Variants in PTP4A1 observed in about 807,000 individuals in gnomAD.
PTP4A1 encodes protein tyrosine phosphatase type IVA 1.
PTP4A1 carries 9 observed loss-of-function variants against 20.5 expected under a neutral mutation model. The observed-to-expected ratio is 0.44, with a 90% CI of 0.26 to 0.77. PTP4A1 has a LOEUF of 0.77. Among genes scored for constraint, PTP4A1 ranks in the 30% least tolerant of loss-of-function variants. PTP4A1 has a pLI of 0.19. For synonymous variants in PTP4A1, 78 were observed against 67.4 expected (o/e 1.16, Z -0.77); for missense variants, 137 against 218.8 (o/e 0.63, Z 2.36).
At chr6:63,559,856 G>A (rs1776859095) in intron 3 of PTP4A1, among the ~76,000 whole-genome samples, 2 of 152,044 alleles carry the variant, frequency 1.3e-5, no homozygotes, top group Non-Finnish European at 2.9e-5. Context: ...CGAACTCCTG[G>A]GCTCAAACAA....
chr6:63,559,498 G>T (rs191332825), intron 3 of PTP4A1, among the ~76,000 whole-genome samples: 278 of 152,280 alleles, frequency 1.8e-3, no homozygotes, highest in Non-Finnish European at 2.7e-3. Flanking sequence ...TGTAATCCCA[G>T]CACTTTGGGA....
upstream of PTP4A1, among the ~76,000 whole-genome samples, chr6:63,518,219 G>T (rs549205055): frequency 6.7e-6 from 1 of 148,402 alleles, no homozygotes; most frequent in African/African-American, 2.5e-5. Context: ...GAAAATATTT[G>T]TGCCACCTTT....
At chr6:63,574,299 A>G (rs1329439275) in intron 1 of PTP4A1, among the ~76,000 whole-genome samples, 4 of 152,216 alleles carry the variant, frequency 2.6e-5, no homozygotes, top group Non-Finnish European at 5.9e-5. Context: ...GCTTCTGCAC[A>G]GAGATTACTC....
chr6:63,539,103 A>C (rs1775842211), intron 2 of PTP4A1, among the ~76,000 whole-genome samples: 2 of 152,008 alleles, frequency 1.3e-5, no homozygotes, highest in African/African-American at 4.8e-5. Context: ...ATGTTGGCCC[A>C]TGCTGATCTT....
rs879457337 is a variant in PTP4A1, at chr6:63,580,828, C to G, written c.*654C>G. On this transcript the variant is annotated 3_prime_UTR_variant, in exon 6 of 6. Coordinates refer to ENST00000626021, the MANE Select transcript of PTP4A1 (RefSeq NM_003463.5). The stretch of plus-strand genomic sequence containing the variant: ...AAAAAACCTCCATTTTGAAAATCTA[C>G]GTTGTACAGAAGCACATGTCTTTAA... 1 of 151,802 alleles carries G rather than the reference C, an allele frequency of 6.6e-6. No homozygotes were observed. The highest frequency in any genetic ancestry group is 1.5e-5 in the Non-Finnish European group (1 of 67,944). The allele number at this position is 151,802 out of a possible 1,614,324, so 9.4% of individuals were successfully genotyped here.
rs769350255 is a variant in PTP4A1 at position 63,543,847 on chromosome 6, CCAAA to C, written c.-639-6448_-639-6445del. The stretch of plus-strand genomic sequence containing the variant: ...TGTAATAAGAGTTTCTTTTAGATCC[CCAAA>C]CAAAGTAGATTTCATTTTACTCTTC... On this transcript the variant is annotated intron_variant, in intron 2 of 3. Coordinates refer to the PTP4A1 transcript ENST00000639568. Among the ~76,000 whole-genome samples, 101 of 152,240 alleles carry C rather than the reference CCAAA, an allele frequency of 6.6e-4. 2 individuals carry two copies. The highest frequency in any genetic ancestry group is 3.4e-3 in the Admixed American group (52 of 15,280).
chr6:63,572,748 G>C, intron 1 of PTP4A1, 29 bp downstream of exon 1: 1 of 398,306 alleles, frequency 2.5e-6, no homozygotes, highest in Non-Finnish European at 4.4e-6. Flanking sequence ...GTCGCCTCTC[G>C]GGCTGGGAAT....
chr6:63,580,243 A>C lies in PTP4A1; in HGVS notation c.*69A>C. On this transcript the variant is annotated 3_prime_UTR_variant, in exon 6 of 6. Coordinates refer to ENST00000626021, the MANE Select transcript of PTP4A1 (RefSeq NM_003463.5). ...GCCTAATTTGTTATACATATTAGCC[A>C]ACATGTTGGCTTAGTAAGTCTAATG... 8.0e-7 allele frequency: 1 copy of C among 1,253,198 alleles called. No individual in the cohort carries two copies. The highest frequency in any genetic ancestry group is 1.2e-6 in the Non-Finnish European group (1 of 859,748). The allele number at this position is 1,253,198 out of a possible 1,614,324, so 77.6% of individuals were successfully genotyped here.
At chr6:63,546,715 A>C (rs1268270097) in intron 2 of PTP4A1, among the ~76,000 whole-genome samples, 1 of 152,194 alleles carries the variant, frequency 6.6e-6, no homozygotes, top group Non-Finnish European at 1.5e-5. Flanking sequence ...TCAAAAAAAA[A>C]AAATAGAGTA....
chr6:63,550,093 A>G (rs1231838984), intron 2 of PTP4A1, among the ~76,000 whole-genome samples: 1 of 152,196 alleles, frequency 6.6e-6, no homozygotes, highest in Non-Finnish European at 1.5e-5. Context: ...TTATGTGTCA[A>G]CTTGAAACGT....
intron 3 of PTP4A1, among the ~76,000 whole-genome samples, chr6:63,564,949 T>C (rs1304149545): frequency 6.6e-6 from 1 of 152,196 alleles, no homozygotes; most frequent in East Asian, 1.9e-4. Context: ...CCCAAGGAAA[T>C]GGTGCCTTTC....
intron 1 of PTP4A1, among the ~76,000 whole-genome samples, chr6:63,525,982 A>T (rs1354831544): frequency 6.6e-6 from 1 of 152,202 alleles, no homozygotes; most frequent in Non-Finnish European, 1.5e-5. Context: ...CGGTACCAGT[A>T]TACAAAAGAG....
At chr6:63,568,311 A>G (rs911775409), upstream of PTP4A1, among the ~76,000 whole-genome samples, 1 of 152,194 alleles carries the variant, frequency 6.6e-6, no homozygotes, top group Non-Finnish European at 1.5e-5. Flanking sequence ...TTTCACTTGA[A>G]CACTCAGAGG....
intron 3 of PTP4A1, among the ~76,000 whole-genome samples, chr6:63,563,246 A>C (rs1269201482): frequency 6.6e-6 from 1 of 152,214 alleles, no homozygotes; most frequent in Non-Finnish European, 1.5e-5. Context: ...ACTGTCAGCA[A>C]AATAAATCCA....
intron 1 of PTP4A1, among the ~76,000 whole-genome samples, chr6:63,522,301 A>G (rs1774961569): frequency 6.6e-6 from 1 of 152,234 alleles, no homozygotes; most frequent in South Asian, 2.1e-4. Context: ...ATAGTTATAA[A>G]GATAAGATGT....
At chr6:63,568,707 G>A (rs1044407853), upstream of PTP4A1, among the ~76,000 whole-genome samples, 4 of 151,834 alleles carry the variant, frequency 2.6e-5, no homozygotes, top group African/African-American at 9.7e-5. Flanking sequence ...AGGTATGCCT[G>A]TATACTACAT....
chr6:63,545,375 G>A (rs894125064), intron 2 of PTP4A1, among the ~76,000 whole-genome samples: 12 of 151,880 alleles, frequency 7.9e-5, no homozygotes, highest in African/African-American at 1.2e-4. Context: ...TTTGGGAGGC[G>A]GAGGCAGATG....
intron 1 of PTP4A1, among the ~76,000 whole-genome samples, chr6:63,527,099 A>G (rs1035668669): frequency 2.0e-5 from 3 of 152,060 alleles, no homozygotes; most frequent in African/African-American, 7.2e-5. Context: ...CTTATTGAAT[A>G]TACAAATACC....
rs1345894723 is a variant in PTP4A1 at position 63,549,019 on chromosome 6, T to C, written c.-639-1281T>C. Reference sequence around the variant, plus strand: ...GCAGGCAAGAAGACAACCAGCTCGATGGGATCCACGTCGTGTGCAATCACC... The same window carrying C: ...GCAGGCAAGAAGACAACCAGCTCGACGGGATCCACGTCGTGTGCAATCACC... On this transcript the variant is annotated intron_variant, in intron 2 of 3. Transcript: ENST00000639568. 3 of 728,100 alleles carry C rather than the reference T, an allele frequency of 4.1e-6. No individual in the cohort carries two copies. The African/African-American group carries it at 5.1e-5, about 12-fold the overall frequency. 45.1% of individuals were successfully genotyped at this position (728,100 alleles called of 1,614,324 possible).
Sources: allele counts gnomAD v4.1 joint callset (sites outside exome capture counted in the v4.1 genomes callset), GRCh38; gene constraint gnomAD v4.1.1; transcripts MANE v1.5; gene names NCBI Gene and HGNC (gene_info 2026-07-23, HGNC 2026-07-21).